EFCAB11: variants seen among roughly 807,000 people sequenced by gnomAD.
EFCAB11 encodes EF-hand calcium binding domain 11.
A neutral mutation model predicts 23.0 loss-of-function variants in EFCAB11; 14 were observed. The ratio of observed to expected loss-of-function variants is 0.61; its 90% CI spans 0.40 to 0.95. The LOEUF (loss-of-function observed/expected upper bound fraction) is 0.95, where lower values mean the gene tolerates loss of function less well. Ranked by LOEUF, EFCAB11 falls within the 40% of genes least tolerant of loss-of-function variation. EFCAB11 has a pLI of 0.00. For synonymous variants in EFCAB11, 65 were observed against 66.6 expected, an observed-to-expected ratio of 0.98 and a Z score of 0.11; for missense variants, 198 against 195.8, an observed-to-expected ratio of 1.01 and a Z score of -0.07.
At chr14:89,906,088 A>G (rs995805993) in intron 5 of EFCAB11, among the ~76,000 whole-genome samples, 2 of 152,022 alleles carry the variant, frequency 1.3e-5, no homozygotes, top group Non-Finnish European at 2.9e-5. Context: ...TCTGTAAAAT[A>G]GAAATAGTAA....
chr14:89,948,795 A>G (rs966637613), intron 3 of EFCAB11, among the ~76,000 whole-genome samples: 3 of 152,168 alleles, frequency 2.0e-5, no homozygotes, highest in Admixed American at 1.3e-4. Flanking sequence ...AATTTAATTC[A>G]TGGACATAGA....
chr14:89,878,210 C>G (rs986416355), intron 5 of EFCAB11, among the ~76,000 whole-genome samples: 1 of 152,140 alleles, frequency 6.6e-6, no homozygotes, highest in Non-Finnish European at 1.5e-5. Context: ...CATTAGATGA[C>G]CCCTGTGGTA....
chr14:89,915,038 A>AC (rs1461101764), intron 5 of EFCAB11, among the ~76,000 whole-genome samples: 2 of 152,206 alleles, frequency 1.3e-5, no homozygotes, highest in Non-Finnish European at 2.9e-5. Flanking sequence ...GTTAAAAAAA[A>AC]ACACATAGTA....
intron 5 of EFCAB11, among the ~76,000 whole-genome samples, chr14:89,867,583 T>G (rs1888132537): frequency 6.6e-6 from 1 of 152,242 alleles, no homozygotes; most frequent in African/African-American, 2.4e-5. Flanking sequence ...TCTTAATCTT[T>G]TATTTCACTT....
chr14:89,874,724 C>T (rs184877349), intron 5 of EFCAB11, among the ~76,000 whole-genome samples: 9 of 152,136 alleles, frequency 5.9e-5, no homozygotes, highest in East Asian at 1.9e-4. Flanking sequence ...GGTGAAACCC[C>T]GCCTCTACTA....
intron 2 of EFCAB11, among the ~76,000 whole-genome samples, chr14:89,953,474 C>T (rs138843796): frequency 3.3e-5 from 5 of 152,140 alleles, no homozygotes; most frequent in Admixed American, 6.5e-5. Flanking sequence ...CTCTGGTAGG[C>T]GGCGAGCGGA....
At chr14:89,876,795 C>T (rs1888453607) in intron 5 of EFCAB11, among the ~76,000 whole-genome samples, 1 of 152,238 alleles carries the variant, frequency 6.6e-6, no homozygotes, top group South Asian at 2.1e-4. Flanking sequence ...AGTGTTGTAA[C>T]TTGGAGCACC....
chr14:89,852,931 C>T (rs748807353), intron 5 of EFCAB11, among the ~76,000 whole-genome samples: 3 of 152,130 alleles, frequency 2.0e-5, no homozygotes, highest in Non-Finnish European at 4.4e-5. Flanking sequence ...ACTCGACATT[C>T]CTACCTTCTC....
intron 5 of EFCAB11, among the ~76,000 whole-genome samples, chr14:89,873,344 A>AG (rs1382052983): frequency 6.6e-6 from 1 of 152,164 alleles, no homozygotes; most frequent in Non-Finnish European, 1.5e-5. Context: ...CCATGATATG[A>AG]GGGGATTATA....
intron 3 of EFCAB11, among the ~76,000 whole-genome samples, chr14:89,939,895 C>T (rs953214682): frequency 3.9e-5 from 6 of 152,276 alleles, no homozygotes; most frequent in Middle Eastern, 3.4e-3. Flanking sequence ...CCCACCACCA[C>T]GCCCAGCTAA....
chr14:89,940,267 T>C (rs528929896), intron 3 of EFCAB11, among the ~76,000 whole-genome samples: 5 of 152,200 alleles, frequency 3.3e-5, no homozygotes, highest in Non-Finnish European at 7.3e-5. Context: ...AAGAAGCCAA[T>C]TGAAATCTGA....
chr14:89,948,656 A>G (rs1317289608), intron 3 of EFCAB11, among the ~76,000 whole-genome samples: 1 of 152,230 alleles, frequency 6.6e-6, no homozygotes, highest in Non-Finnish European at 1.5e-5. Context: ...CTATTCAGCA[A>G]TAAAAAAGAA....
At chr14:89,810,851 T>C (rs1291251427) in intron 5 of EFCAB11, among the ~76,000 whole-genome samples, 1 of 152,042 alleles carries the variant, frequency 6.6e-6, no homozygotes, top group African/African-American at 2.4e-5. Context: ...CAGTAGGTTC[T>C]GAAGATAAAT....
chr14:89,879,066 C>A (rs1057042302), intron 5 of EFCAB11, among the ~76,000 whole-genome samples: 1 of 152,146 alleles, frequency 6.6e-6, no homozygotes, highest in East Asian at 1.9e-4. Flanking sequence ...CATGATCCCC[C>A]CATCTCCCTG....
At chr14:89,945,922 TTTA>T (rs1890963357) in intron 3 of EFCAB11, among the ~76,000 whole-genome samples, 1 of 148,276 alleles carries the variant, frequency 6.7e-6, no homozygotes, top group Non-Finnish European at 1.5e-5. Flanking sequence ...ATTTTTTTTT[TTTA>T]TTTTTTTTTT....
chr14:89,848,984 G>A (rs7156674), intron 5 of EFCAB11: 99,194 of 152,170 alleles, frequency 0.65, 34,196 homozygotes, highest in Non-Finnish European at 0.79. Context: ...AAGGAATAAC[G>A]TTCAGTGATA....
In EFCAB11 at chr14:89,859,681, G is replaced by A. The variant is rs115535019; in HGVS notation, c.411-62357C>T. Among the ~76,000 whole-genome samples, 349 of 152,234 alleles carry A rather than the reference G, an allele frequency of 2.3e-3. 2 individuals are homozygous for A. Among genetic ancestry groups the A allele is most frequent in the African/African-American group, 8.1e-3 (337 of 41,526 alleles). On this transcript the variant is annotated intron_variant, in intron 5 of 5. Transcript: ENST00000316738. ...GGTGCTAGGTGCCAGGGATGCCACT[G>A]TATGCCAAAAAAACAGGTAGCCTGA... is the stretch of plus-strand genomic sequence containing the variant.
chr14:89,920,787 G>A (rs960679493), intron 5 of EFCAB11, among the ~76,000 whole-genome samples: 7 of 152,148 alleles, frequency 4.6e-5, no homozygotes, highest in Non-Finnish European at 8.8e-5. Flanking sequence ...ACATAGGGCC[G>A]GGCGTGGTGG....
At chr14:89,822,684 AG>A (rs1268185753) in intron 5 of EFCAB11, among the ~76,000 whole-genome samples, 1 of 152,220 alleles carries the variant, frequency 6.6e-6, no homozygotes, top group Admixed American at 6.5e-5. Context: ...TTACAGGTAC[AG>A]ATCAGCTGGA....
Sources: gnomAD v4.1 joint callset for allele counts (sites outside exome capture counted in the v4.1 genomes callset) on GRCh38, gnomAD v4.1.1 for gene constraint, MANE v1.5 for transcripts, NCBI Gene and HGNC (gene_info 2026-07-23, HGNC 2026-07-21) for gene names.